Variants in NPAS3 observed in about 807,000 individuals in gnomAD.
NPAS3 encodes neuronal PAS domain protein 3.
A neutral mutation model predicts 73.1 loss-of-function variants in NPAS3; 14 were observed. That is an observed-to-expected ratio of 0.19 (90% CI 0.13 to 0.30). The LOEUF is 0.30. Among genes scored for constraint, NPAS3 ranks in the 10% least tolerant of loss-of-function variants. NPAS3 has a pLI of 1.00. For missense variants in NPAS3, 1,096 were observed against 1,250.0 expected, an observed-to-expected ratio of 0.88 and a Z score of 1.86; for synonymous variants, 620 against 541.5, an observed-to-expected ratio of 1.14 and a Z score of -2.01.
At chr14:33,589,676 CT>C (rs2056994319) in intron 5 of NPAS3, among the ~76,000 whole-genome samples, 1 of 151,948 alleles carries the variant, frequency 6.6e-6, no homozygotes, top group Non-Finnish European at 1.5e-5. Context: ...CTTAATCATA[CT>C]TGAAAAAAAG....
intron 1 of NPAS3, among the ~76,000 whole-genome samples, chr14:33,039,332 A>G (rs559976399): frequency 6.6e-6 from 1 of 152,332 alleles, no homozygotes; most frequent in South Asian, 2.1e-4. Flanking sequence ...CCTAATTTCC[A>G]TTATATTCAC....
chr14:33,086,450 G>C (rs545184878), intron 2 of NPAS3, among the ~76,000 whole-genome samples: 1 of 152,088 alleles, frequency 6.6e-6, no homozygotes, highest in East Asian at 1.9e-4. Flanking sequence ...TTTTAAAAAA[G>C]GGTCACAGTA....
intron 4 of NPAS3, among the ~76,000 whole-genome samples, chr14:33,555,643 T>C (rs2055320551): frequency 6.6e-6 from 1 of 152,206 alleles, no homozygotes; most frequent in African/African-American, 2.4e-5. Flanking sequence ...ACAATGATGC[T>C]ACCCTTCAAA....
intron 5 of NPAS3, among the ~76,000 whole-genome samples, chr14:33,571,791 A>T (rs1314931074): frequency 6.6e-6 from 1 of 152,244 alleles, no homozygotes; most frequent in Non-Finnish European, 1.5e-5. Flanking sequence ...TTGTTGGCAG[A>T]TTATCTGAAA....
intron 6 of NPAS3, among the ~76,000 whole-genome samples, chr14:33,699,812 T>C (rs565470408): frequency 1.3e-5 from 2 of 152,228 alleles, no homozygotes; most frequent in African/African-American, 4.8e-5. Flanking sequence ...GGTGAGGCGA[T>C]GAACCCGTAC....
At chr14:33,069,405 C>T (rs2041402481) in intron 2 of NPAS3, among the ~76,000 whole-genome samples, 1 of 152,126 alleles carries the variant, frequency 6.6e-6, no homozygotes, top group Non-Finnish European at 1.5e-5. Flanking sequence ...ATTCAGTCCA[C>T]AAACTTTTAA....
chr14:33,329,741 A>T (rs987703546), intron 3 of NPAS3, among the ~76,000 whole-genome samples: 2 of 152,052 alleles, frequency 1.3e-5, no homozygotes, highest in Non-Finnish European at 2.9e-5. Context: ...CCTTGTTCTA[A>T]GTACAGAATC....
At chr14:33,581,600 T>C (rs2056665322) in intron 5 of NPAS3, among the ~76,000 whole-genome samples, 1 of 152,194 alleles carries the variant, frequency 6.6e-6, no homozygotes, top group Admixed American at 6.5e-5. Context: ...AAACAGTGTC[T>C]CACTCTGTCG....
At chr14:33,527,338 A>G (rs2053847167) in intron 4 of NPAS3, among the ~76,000 whole-genome samples, 1 of 152,188 alleles carries the variant, frequency 6.6e-6, no homozygotes. Context: ...GCCCACATCC[A>G]GGGTTATTGT....
At chr14:33,148,446 T>G (rs1361053389) in intron 2 of NPAS3, among the ~76,000 whole-genome samples, 1 of 152,164 alleles carries the variant, frequency 6.6e-6, no homozygotes, top group Non-Finnish European at 1.5e-5. Flanking sequence ...GCTTAATACG[T>G]AGCTAGTCAG....
chr14:33,771,503 A>C (rs1566522322), intron 7 of NPAS3, among the ~76,000 whole-genome samples: 1 of 152,206 alleles, frequency 6.6e-6, no homozygotes, highest in Non-Finnish European at 1.5e-5. Flanking sequence ...GTTCATATAC[A>C]GTTTACTTAA....
intron 3 of NPAS3, among the ~76,000 whole-genome samples, chr14:33,332,626 G>A (rs2044037411): frequency 6.6e-6 from 1 of 152,166 alleles, no homozygotes; most frequent in Non-Finnish European, 1.5e-5. Context: ...TCTCAGGGTA[G>A]ACAGCTGTTT....
chr14:33,213,550 T>A (rs998041332), intron 2 of NPAS3: 3 of 152,194 alleles, frequency 2.0e-5, no homozygotes, highest in Non-Finnish European at 2.9e-5. Flanking sequence ...CAGCTAAAAT[T>A]GAGCACTTGT....
chr14:33,721,015 GC>G (rs557442898), intron 6 of NPAS3, among the ~76,000 whole-genome samples: 54 of 152,180 alleles, frequency 3.5e-4, no homozygotes, highest in African/African-American at 1.3e-3. Flanking sequence ...TCCCCAACAA[GC>G]CAAAAATGAA....
At chr14:33,227,616 T>A (rs188955731) in intron 3 of NPAS3, among the ~76,000 whole-genome samples, 15 of 152,162 alleles carry the variant, frequency 9.9e-5, no homozygotes, top group Non-Finnish European at 2.2e-4. Context: ...AAAGAAAGAT[T>A]ATGTCTCCTG....
chr14:33,786,055 G>C (rs2063162806), intron 9 of NPAS3, among the ~76,000 whole-genome samples: 1 of 152,186 alleles, frequency 6.6e-6, no homozygotes, highest in Non-Finnish European at 1.5e-5. Context: ...GAGTGACCAA[G>C]CCTAAGCCAC....
chr14:32,973,553 T>A (rs2037526488), intron 1 of NPAS3, among the ~76,000 whole-genome samples: 2 of 149,052 alleles, frequency 1.3e-5, no homozygotes, highest in Non-Finnish European at 3.0e-5. Context: ...TTTTTTTTTT[T>A]AAGACAGAGT....
intron 4 of NPAS3, among the ~76,000 whole-genome samples, chr14:33,488,573 C>T (rs758436740): frequency 2.0e-5 from 3 of 152,150 alleles, no homozygotes; most frequent in Non-Finnish European, 4.4e-5. Context: ...ATACATTAAA[C>T]AATAACATTT....
exon 3 of NPAS3, chr14:33,215,261 T>A: frequency 2.5e-6 from 4 of 1,594,346 alleles, no homozygotes; most frequent in Non-Finnish European, 3.4e-6. Flanking sequence ...GTTCTATGAA[T>A]TGGCCAAGTT....
Sources: gnomAD v4.1 joint callset for allele counts (sites outside exome capture counted in the v4.1 genomes callset) on GRCh38, gnomAD v4.1.1 for gene constraint, MANE v1.5 for transcripts, NCBI Gene and HGNC (gene_info 2026-07-23, HGNC 2026-07-21) for gene names.